LYZL2: variants seen among roughly 807,000 people sequenced by gnomAD.
LYZL2 encodes lysozyme-like protein 2.
In LYZL2, 13 loss-of-function variants were observed where a neutral mutation model predicts 17.1. The observed-to-expected ratio is 0.76, with a 90% CI of 0.49 to 1.21. LYZL2 has a LOEUF of 1.21. LYZL2 is among the 50% of genes most tolerant of loss of function. The pLI is 0.00. For missense variants in LYZL2, 166 were observed against 189.2 expected, an observed-to-expected ratio of 0.88 and a Z score of 0.72; for synonymous variants, 63 against 74.4, an observed-to-expected ratio of 0.85 and a Z score of 0.79.
At chr10:30,612,135 G>A (rs1207669490) in intron 4 of LYZL2, 111 bp from the exon 5 acceptor site, 9 of 1,299,280 alleles carry the variant, frequency 6.9e-6, no homozygotes, top group Non-Finnish European at 9.8e-6. Context: ...CCCTGGGTTG[G>A]GTTTCATTTG....
At chr10:30,610,796 T>C (rs1838422397), downstream of LYZL2, among the ~76,000 whole-genome samples, 1 of 152,136 alleles carries the variant, frequency 6.6e-6, no homozygotes, top group Admixed American at 6.5e-5. Context: ...AATAGCAAGA[T>C]ATGTCATGGA....
chr10:30,626,398 C>T, intron 2 of LYZL2, 135 bp from the exon 3 acceptor site: 6 of 1,418,314 alleles, frequency 4.2e-6, no homozygotes, highest in Non-Finnish European at 5.7e-6. Context: ...GCAGGGCGGG[C>T]ATGTGCCCAG....
downstream of LYZL2, among the ~76,000 whole-genome samples, chr10:30,608,117 AC>A (rs1381105710): frequency 6.6e-6 from 1 of 152,070 alleles, no homozygotes; most frequent in African/African-American, 2.4e-5. Context: ...TAATTTTAAA[AC>A]TTTTTGTAGA....
chr10:30,615,857 T>C (rs749592453), intron 3 of LYZL2, among the ~76,000 whole-genome samples: 13 of 150,366 alleles, frequency 8.6e-5, no homozygotes, highest in Non-Finnish European at 1.6e-4. Flanking sequence ...TTTGTCATCA[T>C]GGAAAGTTCT....
chr10:30,619,968 T>C (rs1838594353), intron 3 of LYZL2, among the ~76,000 whole-genome samples: 1 of 152,172 alleles, frequency 6.6e-6, no homozygotes, highest in Admixed American at 6.5e-5. Flanking sequence ...TTTCTGCAAT[T>C]TTCTGTTTGG....
At chr10:30,613,818 C>T (rs553015816) in intron 3 of LYZL2, among the ~76,000 whole-genome samples, 95 of 152,280 alleles carry the variant, frequency 6.2e-4, no homozygotes, top group African/African-American at 2.1e-3. Flanking sequence ...TGGCCTCAAG[C>T]AATACTTCCA....
At chr10:30,612,063 G>C (rs531253462) in intron 4 of LYZL2, 39 bp from the exon 5 acceptor site, 1 of 1,606,010 alleles carries the variant, frequency 6.2e-7, no homozygotes. Context: ...AGAAAGAAGC[G>C]TGACAATCCA....
At chr10:30,626,966 A>G (rs1186088336) in intron 1 of LYZL2, 26 bp from the exon 2 acceptor site, 8 of 1,612,314 alleles carry the variant, frequency 5.0e-6, no homozygotes, top group South Asian at 1.1e-5. Context: ...AGAACAGGTC[A>G]GACGATCTTG....
chr10:30,628,568 TG>T (rs1362421009), intron 1 of LYZL2, among the ~76,000 whole-genome samples: 1 of 152,212 alleles, frequency 6.6e-6, no homozygotes. Flanking sequence ...CTTGCTGGGA[TG>T]GGGTGAAGTG....
intron 3 of LYZL2, among the ~76,000 whole-genome samples, chr10:30,615,281 A>G (rs1838510021): frequency 6.6e-6 from 1 of 152,214 alleles, no homozygotes; most frequent in Non-Finnish European, 1.5e-5. Context: ...AGGAAGTGAG[A>G]CCCAGAAAGA....
intron 3 of LYZL2, among the ~76,000 whole-genome samples, chr10:30,619,234 G>T (rs1002277476): frequency 1.3e-5 from 2 of 152,110 alleles, no homozygotes; most frequent in African/African-American, 4.8e-5. Context: ...TGGTGGGACT[G>T]TAAACTAGTT....
downstream of LYZL2, chr10:30,611,702 A>AAAAGAAAGAAAG (rs374528139): frequency 0.031 from 12,003 of 391,622 alleles, 354 homozygotes; most frequent in Middle Eastern, 0.047. Context: ...GAAAGAAAGA[A>AAAAGAAAGAAAG]AAAGAAAGAA....
chr10:30,615,911 C>T (rs1007485736), intron 3 of LYZL2, among the ~76,000 whole-genome samples: 2 of 151,698 alleles, frequency 1.3e-5, no homozygotes, highest in Non-Finnish European at 2.9e-5. Flanking sequence ...GTCATTAATT[C>T]ACCAGTATTT....
chr10:30,617,402 G>A (rs981543854), intron 3 of LYZL2, among the ~76,000 whole-genome samples: 4 of 152,086 alleles, frequency 2.6e-5, no homozygotes, highest in African/African-American at 9.7e-5. Context: ...TCGACCGGGC[G>A]CGGCGGCTCA....
chr10:30,611,530 AGAAG>A (rs762109748), downstream of LYZL2, among the ~76,000 whole-genome samples: 3,444 of 80,320 alleles, frequency 0.043, 189 homozygotes, highest in Non-Finnish European at 0.053. Flanking sequence ...GGAAAAAGAA[AGAAG>A]GAAGGAAGGA....
downstream of LYZL2, among the ~76,000 whole-genome samples, chr10:30,609,239 C>T (rs373517291): frequency 8.1e-4 from 123 of 152,308 alleles, no homozygotes; most frequent in African/African-American, 2.8e-3. Flanking sequence ...CCTCAAGTAG[C>T]TTACAGGCTG....
At chr10:30,627,477 CA>C (rs1838732805) in intron 1 of LYZL2, among the ~76,000 whole-genome samples, 1 of 151,652 alleles carries the variant, frequency 6.6e-6, no homozygotes, top group Non-Finnish European at 1.5e-5. Context: ...TTCCACTTAA[CA>C]AATAGTAAAT....
chr10:30,611,076 G>A (rs1438970818), downstream of LYZL2, among the ~76,000 whole-genome samples: 1 of 152,122 alleles, frequency 6.6e-6, no homozygotes, highest in Non-Finnish European at 1.5e-5. Context: ...CCCTGAAGAT[G>A]AGGGAGTCTT....
downstream of LYZL2, among the ~76,000 whole-genome samples, chr10:30,609,847 C>A (rs1838412508): frequency 1.3e-5 from 2 of 152,164 alleles, no homozygotes; most frequent in South Asian, 4.1e-4. Flanking sequence ...CTGGGAAATG[C>A]ATTTTTTACC....
Sources: allele counts gnomAD v4.1 joint callset (sites outside exome capture counted in the v4.1 genomes callset), GRCh38; gene constraint gnomAD v4.1.1; transcripts MANE v1.5; gene names NCBI Gene and HGNC (gene_info 2026-07-23, HGNC 2026-07-21).